The following DGCR8 variants were observed in gnomAD, a reference collection of about 807,000 sequenced individuals.
DGCR8 encodes microprocessor complex subunit DGCR8.
DGCR8 carries 14 observed loss-of-function variants against 78.5 expected under a neutral mutation model. That is an observed-to-expected ratio of 0.18 (90% confidence interval 0.12 to 0.28). DGCR8 has a LOEUF of 0.28. DGCR8 is among the 10% of genes least tolerant of loss of function. The pLI is 1.00. For missense variants in DGCR8, 702 were observed against 1,022.5 expected (o/e 0.69, Z 4.28); for synonymous variants, 399 against 402.4 (o/e 0.99, Z 0.10).
chr22:20,093,014 G>T, intron 8 of DGCR8, 107 bp downstream of exon 8: 3 of 731,410 alleles, frequency 4.1e-6, no homozygotes, highest in South Asian at 2.0e-5. Flanking sequence ...GATGTGGGTG[G>T]GGCATGTTTA....
At chr22:20,084,747 C>G (rs1179557376) in intron 1 of DGCR8, among the ~76,000 whole-genome samples, 2 of 152,238 alleles carry the variant, frequency 1.3e-5, no homozygotes, top group African/African-American at 4.8e-5. Flanking sequence ...GTTGGGTCAA[C>G]AAGTGCGGTC....
At position 20,104,153 on chromosome 22, in the gene DGCR8, C is replaced by T. The variant is rs199726404; in HGVS notation, c.1789-2024C>T. On this transcript the variant is annotated intron_variant, in intron 9 of 13. Coordinates refer to ENST00000351989, the MANE Select transcript of DGCR8 (RefSeq NM_022720.7). The stretch of plus-strand genomic sequence containing the variant: ...AGCTTGGTGCAGGGCATCCTGGTGT[C>T]GGTCTTTTTTTTTTTTTTTTTTGAG... Among the ~76,000 whole-genome samples, 30 of 148,520 alleles carry T rather than the reference C, an allele frequency of 2.0e-4. No homozygotes were observed. The East Asian group carries it at 5.5e-3, about 27-fold the overall frequency.
rs1215399718 is a variant in DGCR8 at position 20,091,910 on chromosome 22, C to T, written c.1546C>T (p.Leu516=). ...NPNGKSEVCI[L]HEYMQRVLKV... is the part of the protein sequence containing the mutation. ...CAACGGGAAATCCGAGGTCTGCATC[C>T]TGCACGAGTACATGCAGCGTGTCCT... The change falls in exon 7 of 14, where the codon CTG becomes TTG. Residue 516 remains leucine (L), a synonymous_variant. Coordinates refer to ENST00000351989, the MANE Select transcript of DGCR8 (RefSeq NM_022720.7). 38 of 1,614,068 alleles carry T rather than the reference C, an allele frequency of 2.4e-5. No homozygotes were observed. Among genetic ancestry groups the T allele is most frequent in the East Asian group, 4.5e-5 (2 of 44,892 alleles).
At position 20,085,654 on chromosome 22, in the gene DGCR8, A is replaced by G. The variant is rs1555877918; in HGVS notation, c.-277-33A>G. 7 of 1,285,232 alleles carry G rather than the reference A, an allele frequency of 5.4e-6. No homozygotes were observed. The highest frequency in any genetic ancestry group is 6.9e-6 in the Non-Finnish European group (7 of 1,020,476). The allele number at this position is 1,285,232 out of a possible 1,614,324, so 79.6% of individuals were successfully genotyped here. A position where few individuals can be genotyped will look rare whatever the true frequency, so the allele number is the denominator to read the frequency against. On this transcript the variant is annotated intron_variant, in intron 1 of 13. Coordinates refer to ENST00000351989, the MANE Select transcript of DGCR8 (RefSeq NM_022720.7). This position sits in a 1 kb window ranked among gnomAD's most constrained non-coding sequence, Gnocchi z 6.2. ...ACCAGGGAATTGGAAGGTTTCTGTC[A>G]TTTTGTGACGATATTTTTAAATTTC...
chr22:20,083,828 A>G (rs28610569), intron 1 of DGCR8, among the ~76,000 whole-genome samples: 19,954 of 151,944 alleles, frequency 0.13, 1,715 homozygotes, highest in Non-Finnish European at 0.19. Context: ...CAGGAGACTG[A>G]CCTCACCCCA....
At chr22:20,101,065 G>T (rs1384023208) in intron 9 of DGCR8, 1 of 432,936 alleles carries the variant, frequency 2.3e-6, no homozygotes, top group African/African-American at 2.1e-5. Flanking sequence ...TTTCTCCGGG[G>T]AGCCCACCCT....
chr22:20,092,165 T>C (rs112629076), intron 7 of DGCR8, among the ~76,000 whole-genome samples, 195 bp downstream of exon 7: 20,030 of 152,186 alleles, frequency 0.13, 1,709 homozygotes, highest in Non-Finnish European at 0.19. Context: ...GCTCTGCTTT[T>C]CCCTTCCAGT....
rs778314292 is a variant in DGCR8 at position 20,085,984 on chromosome 22, C to T, written c.21C>T (p.Pro7=). 51 of 1,597,238 alleles carry T rather than the reference C, an allele frequency of 3.2e-5. 1 individual carries two copies. In the South Asian group the frequency reaches 5.1e-4, roughly 16 times the overall value. Residue 7 remains proline (P), a synonymous_variant, in exon 2 of 14, where the codon CCC becomes CCT. Coordinates refer to ENST00000351989, the MANE Select transcript of DGCR8 (RefSeq NM_022720.7). The surrounding 1 kb of genome is among the most constrained non-coding windows in gnomAD (Gnocchi z 6.2). The part of the protein sequence containing the change: METDES[P]SPLPCGPAGE... ...TTAATATGGAGACAGATGAGAGCCC[C>T]TCTCCGCTCCCGTGTGGGCCCGCAG...
chr22:20,091,392 G>C (rs1183639988), intron 5 of DGCR8, 43 bp from the exon 6 acceptor site: 1 of 1,606,862 alleles, frequency 6.2e-7, no homozygotes, highest in Non-Finnish European at 8.5e-7. Context: ...TGACTCCTAT[G>C]TTGGAAGTTA....
In DGCR8 at chr22:20,111,591, G is replaced by A. The variant is rs574210532; in HGVS notation, c.*1483G>A. The A allele has an allele frequency of 5.1e-6, 2 of 392,890 alleles. No individual in the cohort carries two copies. The highest frequency in any genetic ancestry group is 4.4e-5 in the Admixed American group (1 of 22,486). 24.3% of individuals were successfully genotyped at this position (392,890 alleles called of 1,614,324 possible). A position where few individuals can be genotyped will look rare whatever the true frequency, so the allele number is the denominator to read the frequency against. ...TGCCCTTAGCCAGCCAGATGCGCCT[G>A]TGAACCAAAGCTTCGTGCACATGTG... On this transcript the variant is annotated 3_prime_UTR_variant, in exon 14 of 14. Coordinates refer to ENST00000351989, the MANE Select transcript of DGCR8 (RefSeq NM_022720.7).
At chr22:20,093,007 G>C in intron 8 of DGCR8, 100 bp downstream of exon 8, 1 of 791,706 alleles carries the variant, frequency 1.3e-6, no homozygotes. Context: ...AGTGGGGGAT[G>C]TGGGTGGGGC....
rs934055972 is a variant in DGCR8, at chr22:20,080,560, G to C, written c.-278+177G>C. ...CGGGCGGTGGAGAGCGCGGGGTGGGGACGCCTCCGGGGCTGGGGGGCGGGC... is the reference window on the plus strand; with the variant it reads ...CGGGCGGTGGAGAGCGCGGGGTGGGCACGCCTCCGGGGCTGGGGGGCGGGC... On this transcript the variant is annotated intron_variant, in intron 1 of 13. Transcript: ENST00000351989. The C allele has an allele frequency of 4.5e-6, 4 of 885,222 alleles. No homozygotes were observed. The African/African-American group carries it at 5.4e-5, about 12-fold the overall frequency. 54.8% of individuals were successfully genotyped at this position (885,222 alleles called of 1,614,324 possible). A position where few individuals can be genotyped will look rare whatever the true frequency, so the allele number is the denominator to read the frequency against.
intron 9 of DGCR8, among the ~76,000 whole-genome samples, chr22:20,097,408 G>A (rs1031451018): frequency 6.6e-6 from 1 of 152,124 alleles, no homozygotes; most frequent in African/African-American, 2.4e-5. Context: ...GATAGTTTGT[G>A]TCTTTTTTGG....
intron 9 of DGCR8, among the ~76,000 whole-genome samples, chr22:20,097,814 TC>T (rs150462258): frequency 3.0e-5 from 3 of 98,732 alleles, no homozygotes; most frequent in African/African-American, 4.3e-5. Flanking sequence ...ATACTTTAAT[TC>T]TTTTTTTTTT....
chr22:20,107,579 A>C, intron 12 of DGCR8, 181 bp downstream of exon 12: 1 of 658,172 alleles, frequency 1.5e-6, no homozygotes, highest in Non-Finnish European at 2.6e-6. Flanking sequence ...TACATCTCCT[A>C]TCCCAGCCTG....
At chr22:20,107,957 A>C (rs1052808302) in intron 12 of DGCR8, 1 of 156,308 alleles carries the variant, frequency 6.4e-6, no homozygotes, top group Non-Finnish European at 1.4e-5. Context: ...ATGATTACAG[A>C]AACTCTCTGG....
intron 9 of DGCR8, chr22:20,101,418 C>G: frequency 1.4e-6 from 1 of 699,274 alleles, no homozygotes; most frequent in Non-Finnish European, 1.8e-6. Context: ...CTACTAAAAA[C>G]ATACAAAAAA....
chr22:20,111,451 T>G lies in DGCR8; in HGVS notation c.*1343T>G, dbSNP rs56018441. On this transcript the variant is annotated 3_prime_UTR_variant, in exon 14 of 14. Transcript: ENST00000351989. ...TCCCTCACTACCTGTGTGACCAAGG[T>G]TGGCTTCTGTTGACCTTTAAAAAAG... The G allele has an allele frequency of 5.0e-6, 2 of 398,244 alleles. No individual in the cohort carries two copies. The allele number at this position is 398,244 out of a possible 1,614,324, so 24.7% of individuals were successfully genotyped here. A position where few individuals can be genotyped will look rare whatever the true frequency, so the allele number is the denominator to read the frequency against.
At chr22:20,082,040 CTTCT>C (rs1209854236) in intron 1 of DGCR8, among the ~76,000 whole-genome samples, 37 of 150,204 alleles carry the variant, frequency 2.5e-4, no homozygotes, top group Admixed American at 6.0e-4. Context: ...CAGAGTGATT[CTTCT>C]TTCTTTCTTT....
Sources: gnomAD v4.1 joint callset for allele counts (sites outside exome capture counted in the v4.1 genomes callset) on GRCh38, gnomAD v4.1.1 for gene constraint, Gnocchi (gnomAD v3.1) non-coding constraint, MANE v1.5 for transcripts, NCBI Gene and HGNC (gene_info 2026-07-23, HGNC 2026-07-21) for gene names.